The following THSD7B variants were observed in gnomAD, a reference collection of about 807,000 sequenced individuals.
THSD7B encodes thrombospondin type 1 domain containing 7B.
Under a neutral mutation model 213.6 loss-of-function variants are expected in THSD7B, and 138 were observed. The ratio of observed to expected loss-of-function variants is 0.65; its 90% CI spans 0.56 to 0.74. The LOEUF (loss-of-function observed/expected upper bound fraction) is 0.74, where lower values mean the gene tolerates loss of function less well. Among genes scored for constraint, THSD7B ranks in the 30% least tolerant of loss-of-function variants. The pLI, the probability that THSD7B is intolerant of heterozygous loss-of-function variation, is 0.00. For missense variants in THSD7B, 1,931 were observed against 1,991.5 expected, an observed-to-expected ratio of 0.97 and a Z score of 0.58; for synonymous variants, 742 against 687.0, an observed-to-expected ratio of 1.08 and a Z score of -1.25.
chr2:136,882,004 C>G, intron 1 of THSD7B, 140 bp from the exon 2 acceptor site: 1 of 477,260 alleles, frequency 2.1e-6, no homozygotes, highest in East Asian at 3.7e-5. Flanking sequence ...GCTTTTCCCA[C>G]AGGGTTGATA....
intron 10 of THSD7B, among the ~76,000 whole-genome samples, chr2:137,251,252 G>A (rs555058290): frequency 4.8e-4 from 73 of 152,260 alleles, no homozygotes; most frequent in Non-Finnish European, 4.7e-4. Flanking sequence ...ATGTGACGAC[G>A]TTGGCCACAG....
chr2:136,910,620 C>T (rs1835313), intron 2 of THSD7B, among the ~76,000 whole-genome samples: 63,095 of 151,850 alleles, frequency 0.42, 15,045 homozygotes, highest in Non-Finnish European at 0.55. Flanking sequence ...CTTTTTAGTA[C>T]GTGGAGAAGA....
intron 14 of THSD7B, among the ~76,000 whole-genome samples, chr2:137,422,260 G>A (rs1172580892): frequency 2.6e-5 from 4 of 152,188 alleles, no homozygotes; most frequent in Admixed American, 2.6e-4. Flanking sequence ...TGGGATTTGA[G>A]TATTTCCTTG....
chr2:137,008,439 T>C (rs1686158187), intron 2 of THSD7B, among the ~76,000 whole-genome samples: 1 of 152,216 alleles, frequency 6.6e-6, no homozygotes, highest in African/African-American at 2.4e-5. Context: ...TTAGATGTCA[T>C]CCAGTAAAAT....
At chr2:137,478,688 T>C (rs1688242601) in intron 15 of THSD7B, among the ~76,000 whole-genome samples, 2 of 152,220 alleles carry the variant, frequency 1.3e-5, no homozygotes, top group South Asian at 2.1e-4. Context: ...TAACAGTCAC[T>C]TCTTCTAATT....
At chr2:137,523,982 G>GT (rs1680233145) in intron 15 of THSD7B, among the ~76,000 whole-genome samples, 1 of 151,992 alleles carries the variant, frequency 6.6e-6, no homozygotes, top group Non-Finnish European at 1.5e-5. Context: ...TAGTTTAATG[G>GT]ATTTTTTTTC....
chr2:137,254,625 A>G (rs1266593925), intron 10 of THSD7B, among the ~76,000 whole-genome samples: 2 of 152,160 alleles, frequency 1.3e-5, no homozygotes, highest in African/African-American at 4.8e-5. Context: ...AGTATTTTGA[A>G]TTTTAGTTAA....
At chr2:137,216,785 A>G (rs992664369) in intron 7 of THSD7B, among the ~76,000 whole-genome samples, 4 of 152,164 alleles carry the variant, frequency 2.6e-5, no homozygotes, top group African/African-American at 4.8e-5. Flanking sequence ...AATAAGTCAC[A>G]TGAGGCCAGA....
In THSD7B at chr2:137,405,811, T is replaced by G; in HGVS notation, c.2695+4T>G. 6.2e-7 allele frequency: 1 copy of G among 1,605,844 alleles called. No individual in the cohort carries two copies. The highest frequency in any genetic ancestry group is 2.2e-5 in the East Asian group (1 of 44,696). ...AGTAGGCGGCGACAGCTCACAGGTA[T>G]AGTGTGCATTTTACTCTTTAGCATC... On this transcript the variant is annotated splice_donor_region_variant and intron_variant, in intron 13 of 27. Coordinates refer to ENST00000409968, the MANE Select transcript of THSD7B (RefSeq NM_001316349.2).
At position 137,557,151 on chromosome 2, in the gene THSD7B, G is replaced by C. The variant is rs565370485; in HGVS notation, c.3139-6070G>C. On this transcript the variant is annotated intron_variant, in intron 15 of 27. Transcript: ENST00000409968. ...AGATCAACAAGACAGAAAGTTAAGA[G>C]GGATATCCAGGAATTGAACTCAGCT... Among the ~76,000 whole-genome samples, 166 of 152,020 alleles carry C rather than the reference G, an allele frequency of 1.1e-3. 1 individual carries two copies. The highest frequency in any genetic ancestry group is 3.7e-3 in the African/African-American group (155 of 41,484).
intron 10 of THSD7B, among the ~76,000 whole-genome samples, chr2:137,250,776 G>C (rs1035422514): frequency 6.6e-6 from 1 of 152,162 alleles, no homozygotes; most frequent in East Asian, 1.9e-4. Flanking sequence ...GTGCTATGAA[G>C]GTCAGGGCAC....
Position 136,941,268 on chromosome 2 carries a change from G to T in THSD7B, c.139+58951G>T, listed in dbSNP as rs148375388. Reference sequence around the variant, plus strand: ...TCCAGTCTATCACTGATGGACATTTGGGTTGGTTCCAAGTTTTTGCTGTTG... The same window carrying T: ...TCCAGTCTATCACTGATGGACATTTTGGTTGGTTCCAAGTTTTTGCTGTTG... On this transcript the variant is annotated intron_variant, in intron 2 of 27. Transcript: ENST00000409968. Among the ~76,000 whole-genome samples, 1,320 of 152,222 alleles carry T rather than the reference G, an allele frequency of 8.7e-3. 28 individuals carry two copies. The highest frequency in any genetic ancestry group is 0.031 in the African/African-American group (1,278 of 41,508).
rs145284803 is a variant in THSD7B at position 137,340,699 on chromosome 2, C to T, written c.2500+64673C>T. On this transcript the variant is annotated intron_variant, in intron 12 of 27. Transcript: ENST00000409968. Reference sequence around the variant, plus strand: ...AGTATTTTTGTCTTTCTGTGCCTCACTTATTTCACTTAGCATGATGCTCTC... The same window carrying T: ...AGTATTTTTGTCTTTCTGTGCCTCATTTATTTCACTTAGCATGATGCTCTC... Among the ~76,000 whole-genome samples the T allele has an allele frequency of 2.0e-3, 311 of 151,920 alleles. 4 individuals carry two copies. Among genetic ancestry groups the T allele is most frequent in the Non-Finnish European group, 1.7e-3 (113 of 67,808 alleles).
rs532848490 is a variant in THSD7B at position 137,433,418 on chromosome 2, G to A, written c.2960-17427G>A. On this transcript the variant is annotated intron_variant, in intron 14 of 27. Coordinates refer to ENST00000409968, the MANE Select transcript of THSD7B (RefSeq NM_001316349.2). Reference sequence around the variant, plus strand: ...GTCACCCAGGCTGGAGTGCAGTGGCGTGATCTCTGCTCTCAACAATCTCCA... The same window carrying A: ...GTCACCCAGGCTGGAGTGCAGTGGCATGATCTCTGCTCTCAACAATCTCCA... 2.4e-4 allele frequency among the ~76,000 whole-genome samples: 36 copies of A among 151,770 alleles called. 1 individual carries two copies. In the South Asian group the frequency reaches 6.9e-3, roughly 29 times the overall value.
intron 17 of THSD7B, among the ~76,000 whole-genome samples, chr2:137,586,432 G>A (rs1422199629): frequency 2.0e-5 from 3 of 152,112 alleles, no homozygotes; most frequent in Non-Finnish European, 2.9e-5. Context: ...TCCTAGCATC[G>A]ATGGTCTTTA....
intron 15 of THSD7B, among the ~76,000 whole-genome samples, chr2:137,557,407 T>C (rs555908220): frequency 7.9e-5 from 12 of 152,274 alleles, no homozygotes; most frequent in African/African-American, 2.9e-4. Context: ...ACCACTCAAC[T>C]ACATGGATAC....
At chr2:137,333,758 C>T (rs1031353210) in intron 12 of THSD7B, among the ~76,000 whole-genome samples, 1 of 152,172 alleles carries the variant, frequency 6.6e-6, no homozygotes, top group Non-Finnish European at 1.5e-5. Context: ...TATATAACTG[C>T]TTAGAAACCT....
chr2:137,044,794 T>C (rs1272604929), intron 2 of THSD7B, among the ~76,000 whole-genome samples: 1 of 152,198 alleles, frequency 6.6e-6, no homozygotes, highest in African/African-American at 2.4e-5. Flanking sequence ...TGTGCGATGA[T>C]ATGAAGGGAG....
chr2:136,992,916 G>C (rs1015897504), intron 2 of THSD7B, among the ~76,000 whole-genome samples: 1 of 152,200 alleles, frequency 6.6e-6, no homozygotes. Flanking sequence ...CTGAAGAATA[G>C]AGAAAACAAA....
Sources: allele counts gnomAD v4.1 joint callset (sites outside exome capture counted in the v4.1 genomes callset), GRCh38; gene constraint gnomAD v4.1.1; transcripts MANE v1.5; gene names NCBI Gene and HGNC (gene_info 2026-07-23, HGNC 2026-07-21).